Variants in NKAIN3 observed in about 807,000 individuals in gnomAD.
NKAIN3 encodes the protein sodium/potassium-transporting ATPase subunit beta-1-interacting protein 3.
In NKAIN3, 25 loss-of-function variants were observed where a neutral mutation model predicts 30.2. The ratio of observed to expected loss-of-function variants is 0.83; its 90% confidence interval spans 0.60 to 1.16. NKAIN3 has a LOEUF of 1.16. Ranked by LOEUF, NKAIN3 falls within the 50% of genes most tolerant of loss-of-function variation. The pLI, the probability that NKAIN3 is intolerant of heterozygous loss-of-function variation, is 0.00. For missense variants in NKAIN3, 225 were observed against 254.1 expected, an observed-to-expected ratio of 0.89 and a Z score of 0.78; for synonymous variants, 91 against 89.6, an observed-to-expected ratio of 1.02 and a Z score of -0.09.
chr8:62,879,391 C>G (rs945885536), intron 4 of NKAIN3, among the ~76,000 whole-genome samples: 2 of 152,074 alleles, frequency 1.3e-5, no homozygotes, highest in Non-Finnish European at 2.9e-5. Flanking sequence ...TGTTTGAGGT[C>G]ATTGTAGATT....
chr8:62,416,365 C>T (rs1563389194), intron 1 of NKAIN3, among the ~76,000 whole-genome samples: 1 of 152,134 alleles, frequency 6.6e-6, no homozygotes, highest in Admixed American at 6.5e-5. Flanking sequence ...CTTGGCTTTC[C>T]GTTTTTATTC....
chr8:62,476,531 A>G (rs1776151194), intron 1 of NKAIN3, among the ~76,000 whole-genome samples: 1 of 151,758 alleles, frequency 6.6e-6, no homozygotes, highest in African/African-American at 2.4e-5. Context: ...ATCTGGGCTC[A>G]CTGTAACCTC....
In NKAIN3 at chr8:62,699,771, T is replaced by C. The variant is rs556946483; in HGVS notation, c.274-47161T>C. Reference sequence around the variant, plus strand: ...CACAGAAGGGTAAAGTCATAGTATCTTATGTTATTCAAACTTATCTACTAT... The same window carrying C: ...CACAGAAGGGTAAAGTCATAGTATCCTATGTTATTCAAACTTATCTACTAT... On this transcript the variant is annotated intron_variant, in intron 3 of 6. Coordinates refer to ENST00000623646, the MANE Select transcript of NKAIN3 (RefSeq NM_001304533.3). 2.4e-4 allele frequency among the ~76,000 whole-genome samples: 36 copies of C among 152,336 alleles called. No homozygotes were observed. In the South Asian group the frequency reaches 7.3e-3, roughly 31 times the overall value.
chr8:62,813,283 G>A (rs560809183), intron 4 of NKAIN3, among the ~76,000 whole-genome samples: 27 of 151,948 alleles, frequency 1.8e-4, no homozygotes, highest in African/African-American at 1.9e-4. Flanking sequence ...TTAATATAAC[G>A]CCTGCAACAT....
chr8:62,943,626 G>A (rs1318270787), intron 5 of NKAIN3, among the ~76,000 whole-genome samples: 1 of 151,028 alleles, frequency 6.6e-6, no homozygotes, highest in Non-Finnish European at 1.5e-5. Context: ...GCAAAAATAT[G>A]GAGCCAGCCC....
chr8:62,504,853 A>G (rs561438603), intron 1 of NKAIN3, among the ~76,000 whole-genome samples: 3 of 152,300 alleles, frequency 2.0e-5, no homozygotes, highest in African/African-American at 7.2e-5. Flanking sequence ...TAGTAACACC[A>G]GAGTTCTCAA....
At chr8:62,724,660 T>A (rs1815198377) in intron 3 of NKAIN3, among the ~76,000 whole-genome samples, 1 of 152,116 alleles carries the variant, frequency 6.6e-6, no homozygotes, top group South Asian at 2.1e-4. Flanking sequence ...GCTTATTTTT[T>A]TTAACATAAT....
At chr8:62,463,302 T>G (rs1806053125) in intron 1 of NKAIN3, among the ~76,000 whole-genome samples, 1 of 152,208 alleles carries the variant, frequency 6.6e-6, no homozygotes, top group Non-Finnish European at 1.5e-5. Context: ...TTATTAGCAA[T>G]TAATATTGAT....
chr8:62,932,412 G>A (rs968950725), intron 5 of NKAIN3, among the ~76,000 whole-genome samples: 1 of 152,182 alleles, frequency 6.6e-6, no homozygotes, highest in African/African-American at 2.4e-5. Flanking sequence ...GAAAACGTAA[G>A]CAGAGGCTAA....
chr8:62,834,190 C>T lies in NKAIN3; in HGVS notation c.472-84263C>T, dbSNP rs539241323. 1.1e-4 allele frequency among the ~76,000 whole-genome samples: 16 copies of T among 152,088 alleles called. No individual in the cohort carries two copies. The South Asian group carries it at 1.2e-3, about 12-fold the overall frequency. ...AGAACATACCTCAAAATAGTAAGAA[C>T]GGTCTAAGAGAAACCCACAGCCAAC... is the stretch of plus-strand genomic sequence containing the variant. On this transcript the variant is annotated intron_variant, in intron 4 of 6. Coordinates refer to ENST00000623646, the MANE Select transcript of NKAIN3 (RefSeq NM_001304533.3).
intron 3 of NKAIN3, among the ~76,000 whole-genome samples, chr8:62,661,480 G>C (rs946057827): frequency 6.6e-6 from 1 of 152,166 alleles, no homozygotes; most frequent in Non-Finnish European, 1.5e-5. Flanking sequence ...ACTTCCCTGG[G>C]CTGGGGCCAA....
intron 1 of NKAIN3, among the ~76,000 whole-genome samples, chr8:62,294,478 T>C (rs1022939439): frequency 6.6e-6 from 1 of 152,222 alleles, no homozygotes; most frequent in African/African-American, 2.4e-5. Context: ...AGGATTATAA[T>C]AAATAAAATT....
intron 4 of NKAIN3, among the ~76,000 whole-genome samples, chr8:62,890,048 C>A (rs1384818811): frequency 1.3e-5 from 2 of 152,044 alleles, no homozygotes; most frequent in East Asian, 3.9e-4. Flanking sequence ...GTAGAAAAGG[C>A]TGTAAAAATA....
chr8:62,806,228 T>C (rs1207659650), intron 4 of NKAIN3, among the ~76,000 whole-genome samples: 1 of 152,190 alleles, frequency 6.6e-6, no homozygotes, highest in Non-Finnish European at 1.5e-5. Flanking sequence ...AGTTCAACCA[T>C]TGTGGAAGTC....
chr8:62,796,453 A>G (rs1369911912), intron 4 of NKAIN3, among the ~76,000 whole-genome samples: 4 of 148,728 alleles, frequency 2.7e-5, no homozygotes, highest in Non-Finnish European at 6.0e-5. Context: ...GTCTCTGCAG[A>G]TGCTCAAGGC....
chr8:62,484,632 T>C (rs1363216302), intron 1 of NKAIN3, among the ~76,000 whole-genome samples: 1 of 152,238 alleles, frequency 6.6e-6, no homozygotes, highest in Non-Finnish European at 1.5e-5. Flanking sequence ...GGCACTAATA[T>C]GGTGAATGGA....
At chr8:62,440,670 C>T (rs370441553) in intron 1 of NKAIN3, among the ~76,000 whole-genome samples, 215 of 151,290 alleles carry the variant, frequency 1.4e-3, no homozygotes, top group African/African-American at 4.8e-3. Context: ...CATACTCACT[C>T]CCCTCCTTCC....
chr8:62,655,223 A>G (rs1187381983), intron 3 of NKAIN3, among the ~76,000 whole-genome samples: 1 of 152,202 alleles, frequency 6.6e-6, no homozygotes, highest in African/African-American at 2.4e-5. Context: ...CCTTTCTTCA[A>G]CCAGAATGAG....
chr8:62,998,622 C>T (rs1410265854), intron 5 of NKAIN3, among the ~76,000 whole-genome samples: 3 of 152,180 alleles, frequency 2.0e-5, no homozygotes, highest in Non-Finnish European at 4.4e-5. Context: ...TGATCCCTCA[C>T]CAGTCCTGTT....
Sources: gnomAD v4.1 joint callset for allele counts (sites outside exome capture counted in the v4.1 genomes callset) on GRCh38, gnomAD v4.1.1 for gene constraint, MANE v1.5 for transcripts, NCBI Gene and HGNC (gene_info 2026-07-23, HGNC 2026-07-21) for gene names.